The following ANKIB1 variants were observed in gnomAD, a reference collection of about 807,000 sequenced individuals.
The protein encoded by ANKIB1 is ankyrin repeat and IBR domain-containing protein 1.
ANKIB1 carries 43 observed loss-of-function variants against 122.1 expected under a neutral mutation model. The ratio of observed to expected loss-of-function variants is 0.35; its 90% confidence interval spans 0.28 to 0.45. The LOEUF is 0.45. Among genes scored for constraint, ANKIB1 ranks in the 20% least tolerant of loss-of-function variants. The probability of loss-of-function intolerance (pLI) is 1.00; values close to 1 mark genes in which losing one functional copy is unlikely to be tolerated. For synonymous variants in ANKIB1, 390 were observed against 442.0 expected (o/e 0.88, Z 1.48); for missense variants, 992 against 1,329.5 (o/e 0.75, Z 3.95).
chr7:92,373,875 C>T (rs1804325510), intron 11 of ANKIB1, among the ~76,000 whole-genome samples: 1 of 152,138 alleles, frequency 6.6e-6, no homozygotes, highest in Non-Finnish European at 1.5e-5. Flanking sequence ...TAAAATTTCC[C>T]TTTAGATAAT....
intron 5 of ANKIB1, among the ~76,000 whole-genome samples, chr7:92,338,294 G>A (rs534422752): frequency 2.6e-4 from 40 of 151,704 alleles, no homozygotes; most frequent in Non-Finnish European, 4.9e-4. Context: ...GCATATGCCT[G>A]TAAGTCCCAG....
At chr7:92,301,842 A>G (rs1017011099) in intron 2 of ANKIB1, among the ~76,000 whole-genome samples, 2 of 152,176 alleles carry the variant, frequency 1.3e-5, no homozygotes, top group Admixed American at 6.6e-5. Flanking sequence ...CTTTCTCACA[A>G]GTTGATGACT....
rs926584630 is a variant in ANKIB1 at position 92,365,921 on chromosome 7, C to T, written c.1486+3648C>T. Among the ~76,000 whole-genome samples, 15 of 150,700 alleles carry T rather than the reference C, an allele frequency of 1.0e-4. No individual in the cohort carries two copies. In the South Asian group the frequency reaches 2.1e-3, roughly 21 times the overall value. ...ACTCTGTTCTCCTGCCCCAGCCTCC[C>T]GAGTAGCTGGGCTACAGGCACCTGC... On this transcript the variant is annotated intron_variant, in intron 10 of 19. Coordinates refer to ENST00000265742, the MANE Select transcript of ANKIB1 (RefSeq NM_019004.2).
intron 7 of ANKIB1, chr7:92,348,138 G>A: frequency 3.5e-6 from 1 of 287,532 alleles, no homozygotes; most frequent in South Asian, 3.2e-5. Context: ...AACTGATCCT[G>A]TCTTCAATGA....
At chr7:92,247,406 A>G (rs1801159583) in intron 1 of ANKIB1, among the ~76,000 whole-genome samples, 1 of 152,190 alleles carries the variant, frequency 6.6e-6, no homozygotes, top group Non-Finnish European at 1.5e-5. Context: ...TGCTTTTGAG[A>G]CAGACGTTTA....
At chr7:92,387,923 G>C (rs1042236184) in intron 13 of ANKIB1, 39 bp downstream of exon 13, 2 of 1,607,084 alleles carry the variant, frequency 1.2e-6, no homozygotes, top group Non-Finnish European at 1.7e-6. Context: ...GACCTATACT[G>C]TTGTGAATAA....
chr7:92,383,012 A>G (rs1804554548), intron 11 of ANKIB1, among the ~76,000 whole-genome samples: 2 of 152,166 alleles, frequency 1.3e-5, no homozygotes, highest in African/African-American at 4.8e-5. Context: ...ATAAAGAAGA[A>G]AAGAGAGAAG....
At chr7:92,266,779 A>G (rs568029826) in intron 1 of ANKIB1, among the ~76,000 whole-genome samples, 43 of 152,318 alleles carry the variant, frequency 2.8e-4, no homozygotes, top group Non-Finnish European at 4.9e-4. Context: ...GGTATGATTC[A>G]CTATTAGCAT....
At chr7:92,321,415 A>G (rs1802909724) in intron 4 of ANKIB1, among the ~76,000 whole-genome samples, 1 of 152,126 alleles carries the variant, frequency 6.6e-6, no homozygotes, top group African/African-American at 2.4e-5. Flanking sequence ...ATCACATGCT[A>G]TAATTATTTT....
chr7:92,321,700 C>G (rs1282467218), intron 4 of ANKIB1, among the ~76,000 whole-genome samples: 1 of 152,140 alleles, frequency 6.6e-6, no homozygotes. Flanking sequence ...AATAATCATA[C>G]AATTGTGTTG....
intron 5 of ANKIB1, among the ~76,000 whole-genome samples, chr7:92,340,306 C>A (rs1047809967): frequency 2.0e-5 from 3 of 152,122 alleles, no homozygotes; most frequent in South Asian, 4.1e-4. Flanking sequence ...AAGGAATTAG[C>A]CTTACCAGAA....
At chr7:92,281,174 G>A (rs1331443374) in intron 1 of ANKIB1, among the ~76,000 whole-genome samples, 8 of 152,140 alleles carry the variant, frequency 5.3e-5, no homozygotes, top group Non-Finnish European at 1.0e-4. Context: ...GTTGAATTAT[G>A]ACAATGTGTA....
intron 1 of ANKIB1, among the ~76,000 whole-genome samples, chr7:92,260,758 C>G (rs887450071): frequency 6.6e-6 from 1 of 151,504 alleles, no homozygotes; most frequent in Non-Finnish European, 1.5e-5. Flanking sequence ...ACAAAACTCT[C>G]CTTGCTGGCT....
At chr7:92,314,159 G>A (rs375690637) in intron 3 of ANKIB1, among the ~76,000 whole-genome samples, 1 of 151,926 alleles carries the variant, frequency 6.6e-6, no homozygotes, top group Non-Finnish European at 1.5e-5. Flanking sequence ...TTAGCCAGTC[G>A]TGGTGATGCA....
chr7:92,361,369 G>A (rs1585125771), intron 9 of ANKIB1, among the ~76,000 whole-genome samples: 1 of 152,286 alleles, frequency 6.6e-6, no homozygotes, highest in East Asian at 1.9e-4. Context: ...AGAGGTAAAA[G>A]TAACTACAGT....
At chr7:92,297,051 A>C (rs1034827860) in intron 2 of ANKIB1, among the ~76,000 whole-genome samples, 12 of 152,206 alleles carry the variant, frequency 7.9e-5, no homozygotes, top group Non-Finnish European at 1.8e-4. Context: ...TGATATAATA[A>C]TGGCAAATGT....
intron 5 of ANKIB1, among the ~76,000 whole-genome samples, chr7:92,337,657 G>A (rs1191161286): frequency 9.2e-5 from 14 of 152,006 alleles, no homozygotes. Context: ...TTAACTTTCA[G>A]GATTCTCTTT....
intron 5 of ANKIB1, among the ~76,000 whole-genome samples, chr7:92,331,037 A>G (rs1803161951): frequency 6.6e-6 from 1 of 152,158 alleles, no homozygotes. Flanking sequence ...GCATTTAAAT[A>G]TAATGTAGAG....
Position 92,397,824 on chromosome 7 carries a change from CCTG to C in ANKIB1, c.2499_2501del (p.Ala834del). The stretch of plus-strand genomic sequence containing the variant: ...CAGCTCTTCCCTGCGTGACTACACC[CCTG>C]CCAGTCGCTCTGAAAACCAGGACTC... On this transcript the variant is annotated inframe_deletion, in exon 19 of 20. Coordinates refer to ENST00000265742, the MANE Select transcript of ANKIB1 (RefSeq NM_019004.2). The C allele has an allele frequency of 6.2e-7, 1 of 1,607,610 alleles. No individual in the cohort carries two copies. The highest frequency in any genetic ancestry group is 8.5e-7 in the Non-Finnish European group (1 of 1,178,020).
Sources: allele counts gnomAD v4.1 joint callset (sites outside exome capture counted in the v4.1 genomes callset), GRCh38; gene constraint gnomAD v4.1.1; transcripts MANE v1.5; gene names NCBI Gene and HGNC (gene_info 2026-07-23, HGNC 2026-07-21).